Variants in CAMSAP2 observed in about 807,000 individuals in gnomAD.
CAMSAP2 encodes the protein calmodulin regulated spectrin associated protein family member 2.
A neutral mutation model predicts 146.1 loss-of-function variants in CAMSAP2; 26 were observed. That is an observed-to-expected ratio of 0.18 (90% CI 0.13 to 0.25). CAMSAP2 has a LOEUF of 0.25. Ranked by LOEUF, CAMSAP2 falls within the 10% of genes least tolerant of loss-of-function variation. The probability of loss-of-function intolerance (pLI) is 1.00; values close to 1 mark genes in which losing one functional copy is unlikely to be tolerated. For synonymous variants in CAMSAP2, 499 were observed against 596.6 expected (o/e 0.84, Z 2.38); for missense variants, 1,381 against 1,759.3 (o/e 0.78, Z 3.85).
At chr1:200,792,806 A>G (rs1447796622) in intron 2 of CAMSAP2, among the ~76,000 whole-genome samples, 3 of 152,204 alleles carry the variant, frequency 2.0e-5, no homozygotes, top group Non-Finnish European at 4.4e-5. Flanking sequence ...AAAGGGCAAC[A>G]TGAAGGATCC....
rs769872788 is a variant in CAMSAP2 at position 200,832,247 on chromosome 1, T to A, written c.693T>A (p.Ile231=). Residue 231 remains isoleucine, a synonymous_variant, in exon 5 of 17, where the codon ATT becomes ATA. Coordinates refer to ENST00000358823, the MANE Select transcript of CAMSAP2 (RefSeq NM_203459.4). The surrounding 1 kb of genome is among the most constrained non-coding windows in gnomAD (Gnocchi z 4.2). The part of the protein sequence containing the change: ...EQTLLKQLPC[I]PLVENLLKDG... ...CATTGCTTAAGCAACTGCCTTGCAT[T>A]CCATTGGTAGAAAATTTGTTGAAGG... The A allele has an allele frequency of 1.2e-6, 2 of 1,613,674 alleles. No individual in the cohort carries two copies. The highest frequency in any genetic ancestry group is 8.5e-7 in the Non-Finnish European group (1 of 1,179,730).
At chr1:200,801,573 A>G (rs938318659) in intron 2 of CAMSAP2, among the ~76,000 whole-genome samples, 17 of 152,206 alleles carry the variant, frequency 1.1e-4, no homozygotes, top group African/African-American at 3.9e-4. Context: ...TGTACCGATC[A>G]AACGTAGGTT....
At chr1:200,740,222 C>G (rs1433615355) in intron 1 of CAMSAP2, among the ~76,000 whole-genome samples, 2 of 152,040 alleles carry the variant, frequency 1.3e-5, no homozygotes, top group Non-Finnish European at 2.9e-5. Context: ...CCCCCATCCC[C>G]CAGTGAGCAA....
intron 3 of CAMSAP2, among the ~76,000 whole-genome samples, chr1:200,814,894 T>G (rs942815310): frequency 3.9e-5 from 6 of 152,108 alleles, no homozygotes; most frequent in Non-Finnish European, 1.5e-5. Context: ...AGAGTGACCT[T>G]AAAATCATTA....
At chr1:200,821,383 A>G (rs923503062) in intron 4 of CAMSAP2, among the ~76,000 whole-genome samples, 1 of 152,020 alleles carries the variant, frequency 6.6e-6, no homozygotes. Flanking sequence ...GGGTCTCACC[A>G]TGTTGCCCAG....
intron 3 of CAMSAP2, among the ~76,000 whole-genome samples, chr1:200,813,395 T>A (rs947638208): frequency 4.6e-5 from 7 of 152,252 alleles, no homozygotes; most frequent in African/African-American, 1.7e-4. Flanking sequence ...TTGTCTGATA[T>A]AACCATCTTT....
At chr1:200,837,312 A>G (rs1667209401) in intron 6 of CAMSAP2, among the ~76,000 whole-genome samples, 1 of 152,170 alleles carries the variant, frequency 6.6e-6, no homozygotes, top group Admixed American at 6.5e-5. Flanking sequence ...GAGTATGGCT[A>G]GACCGTTATC....
chr1:200,806,062 C>G (rs893472999), intron 2 of CAMSAP2, among the ~76,000 whole-genome samples: 1 of 152,012 alleles, frequency 6.6e-6, no homozygotes, highest in Non-Finnish European at 1.5e-5. Flanking sequence ...AACATGTTAT[C>G]AACTCCAAAG....
intron 4 of CAMSAP2, among the ~76,000 whole-genome samples, chr1:200,817,527 A>G (rs1666637502): frequency 6.6e-6 from 1 of 152,224 alleles, no homozygotes; most frequent in Non-Finnish European, 1.5e-5. Context: ...GAATTGAGGT[A>G]TAAGAAATTG....
chr1:200,754,402 TTTAAA>T (rs750594598), intron 1 of CAMSAP2, among the ~76,000 whole-genome samples: 2 of 152,108 alleles, frequency 1.3e-5, no homozygotes, highest in African/African-American at 2.4e-5. Flanking sequence ...ATTTTTCCAC[TTTAAA>T]TTAATTAGTA....
rs1226967897 is a variant in CAMSAP2 at position 200,832,374 on chromosome 1, A to G, written c.787+33A>G. ...TTCCATTGTAATACTTCTGAACTGT[A>G]GACAGATAGTAACCAATATTTAAGA... On this transcript the variant is annotated intron_variant, in intron 5 of 16. Coordinates refer to ENST00000358823, the MANE Select transcript of CAMSAP2 (RefSeq NM_203459.4). This position sits in a 1 kb window ranked among gnomAD's most constrained non-coding sequence, Gnocchi z 4.2. The G allele has an allele frequency of 6.3e-7, 1 of 1,576,138 alleles. No homozygotes were observed. Among genetic ancestry groups the G allele is most frequent in the Admixed American group, 1.9e-5 (1 of 53,812 alleles).
intron 3 of CAMSAP2, among the ~76,000 whole-genome samples, chr1:200,811,834 A>C (rs1285623364): frequency 2.0e-5 from 3 of 152,084 alleles, no homozygotes; most frequent in African/African-American, 7.2e-5. Flanking sequence ...GACCCTGTGT[A>C]CTCCATTGTA....
chr1:200,779,748 AT>A (rs749021825), intron 2 of CAMSAP2, among the ~76,000 whole-genome samples: 3 of 151,046 alleles, frequency 2.0e-5, no homozygotes, highest in East Asian at 3.9e-4. Flanking sequence ...TTTTTTTCTG[AT>A]TTTTTTTCCA....
intron 4 of CAMSAP2, among the ~76,000 whole-genome samples, chr1:200,816,348 T>A (rs900030927): frequency 6.6e-6 from 1 of 150,384 alleles, no homozygotes; most frequent in Admixed American, 6.6e-5. Context: ...ATCCCAGCAC[T>A]TTGGGAGGCT....
chr1:200,850,294 A>C (rs1667583216), intron 11 of CAMSAP2, 60 bp downstream of exon 11: 8 of 1,433,774 alleles, frequency 5.6e-6, no homozygotes, highest in Non-Finnish European at 7.4e-6. Context: ...GTTGTGTTGG[A>C]TATTTTTTTT....
chr1:200,813,874 G>A (rs1371034878), intron 3 of CAMSAP2, among the ~76,000 whole-genome samples: 2 of 151,910 alleles, frequency 1.3e-5, no homozygotes, highest in East Asian at 1.9e-4. Context: ...TGAGGCAGGT[G>A]GATTGCTTGA....
intron 1 of CAMSAP2, among the ~76,000 whole-genome samples, chr1:200,740,999 A>G (rs988375293): frequency 3.9e-5 from 6 of 152,192 alleles, no homozygotes; most frequent in African/African-American, 9.7e-5. Context: ...CATGTTAAAT[A>G]TAGGGTTTTT....
chr1:200,816,487 G>A (rs1356041343), intron 4 of CAMSAP2, among the ~76,000 whole-genome samples: 2 of 143,600 alleles, frequency 1.4e-5, no homozygotes, highest in Admixed American at 1.4e-4. Flanking sequence ...CCAGCTACTC[G>A]GGAGACAGAG....
rs541043878 is a variant in CAMSAP2 at position 200,779,974 on chromosome 1, A to G, written c.399+18876A>G. On this transcript the variant is annotated intron_variant, in intron 2 of 16. Coordinates refer to ENST00000358823, the MANE Select transcript of CAMSAP2 (RefSeq NM_203459.4). ...CTATTTTGACATTTTATCATTTGCA[A>G]TAAATACTATGCATAGGTACCATGT... Among the ~76,000 whole-genome samples, 11 of 152,298 alleles carry G rather than the reference A, an allele frequency of 7.2e-5. No homozygotes were observed. In the East Asian group the frequency reaches 7.7e-4, roughly 11 times the overall value.
Sources: gnomAD v4.1 joint callset for allele counts (sites outside exome capture counted in the v4.1 genomes callset) on GRCh38, gnomAD v4.1.1 for gene constraint, Gnocchi (gnomAD v3.1) non-coding constraint, MANE v1.5 for transcripts, NCBI Gene and HGNC (gene_info 2026-07-23, HGNC 2026-07-21) for gene names.